FHAD1: variants seen among roughly 807,000 people sequenced by gnomAD.
The protein encoded by FHAD1 is forkhead-associated domain-containing protein 1.
Under a neutral mutation model 191.3 loss-of-function variants are expected in FHAD1, and 146 were observed. The ratio of observed to expected loss-of-function variants is 0.76; its 90% CI spans 0.67 to 0.88. The LOEUF (loss-of-function observed/expected upper bound fraction) is 0.88, where lower values mean the gene tolerates loss of function less well. Ranked by LOEUF, FHAD1 falls within the 40% of genes least tolerant of loss-of-function variation. FHAD1 has a pLI of 0.00. For missense variants in FHAD1, 1,635 were observed against 1,785.8 expected, an observed-to-expected ratio of 0.92 and a Z score of 1.52; for synonymous variants, 616 against 672.3, an observed-to-expected ratio of 0.92 and a Z score of 1.29.
chr1:15,386,849 C>CTTTTTTTTTTTTTTTTTTTT (rs59453670), intron 31 of FHAD1, among the ~76,000 whole-genome samples: 5 of 144,228 alleles, frequency 3.5e-5, no homozygotes, highest in African/African-American at 1.0e-4. Flanking sequence ...TCCTTTCTTT[C>CTTTTTTTTTTTTTTTTTTTT]TTTTTTTTTT....
At chr1:15,347,983 G>A (rs910819358) in intron 18 of FHAD1, among the ~76,000 whole-genome samples, 8 of 152,188 alleles carry the variant, frequency 5.3e-5, no homozygotes, top group African/African-American at 1.7e-4. Flanking sequence ...AAGGCCTGGC[G>A]AGTGTAGACG....
intron 20 of FHAD1, among the ~76,000 whole-genome samples, chr1:15,355,624 G>A (rs1019284876): frequency 1.3e-5 from 2 of 152,094 alleles, no homozygotes; most frequent in African/African-American, 4.8e-5. Flanking sequence ...GAATTATTTG[G>A]GACCCCTGGG....
intron 6 of FHAD1, among the ~76,000 whole-genome samples, chr1:15,305,056 T>C (rs1670030849): frequency 6.6e-6 from 1 of 152,198 alleles, no homozygotes; most frequent in East Asian, 1.9e-4. Context: ...ACAATCACAC[T>C]GGTGTTTAAG....
intron 14 of FHAD1, among the ~76,000 whole-genome samples, chr1:15,331,425 T>C (rs1681362135): frequency 7.1e-6 from 1 of 140,052 alleles, no homozygotes; most frequent in African/African-American, 2.7e-5. Flanking sequence ...GGTGGATGGA[T>C]GGATGGACGG....
At chr1:15,370,993 G>A (rs376405549) in intron 26 of FHAD1, among the ~76,000 whole-genome samples, 3 of 152,314 alleles carry the variant, frequency 2.0e-5, no homozygotes, top group African/African-American at 7.2e-5. Flanking sequence ...CCAGCCAGCT[G>A]TCCTTGGCAT....
In FHAD1 at chr1:15,329,830, A is replaced by G; in HGVS notation, c.1906+289A>G. The stretch of plus-strand genomic sequence containing the variant: ...AATTACGCTGTTTAACCTCCAAGGC[A>G]TTTTCCCATGGAAATAACCGCGTGA... On this transcript the variant is annotated intron_variant, in intron 14 of 33. Transcript: ENST00000688493. This position sits in a 1 kb window ranked among gnomAD's most constrained non-coding sequence, Gnocchi z 5.0. 2.6e-6 allele frequency: 1 copy of G among 380,932 alleles called. No individual in the cohort carries two copies. The highest frequency in any genetic ancestry group is 3.9e-5 in the South Asian group (1 of 25,818). The allele number at this position is 380,932 out of a possible 1,614,324, so 23.6% of individuals were successfully genotyped here.
At chr1:15,344,773 A>G (rs1228060251) in intron 16 of FHAD1, among the ~76,000 whole-genome samples, 1 of 152,222 alleles carries the variant, frequency 6.6e-6, no homozygotes, top group South Asian at 2.1e-4. Flanking sequence ...TTTCGTGTTC[A>G]TCGTCGCATC....
chr1:15,353,737 A>G (rs993472851), intron 20 of FHAD1, among the ~76,000 whole-genome samples: 5 of 150,838 alleles, frequency 3.3e-5, no homozygotes, highest in African/African-American at 4.9e-5. Context: ...GAAAAGAAAA[A>G]AAAAAAAAGA....
At chr1:15,243,478 C>A (rs1645637856), upstream of FHAD1, among the ~76,000 whole-genome samples, 1 of 152,204 alleles carries the variant, frequency 6.6e-6, no homozygotes, top group African/African-American at 2.4e-5. Context: ...CCTCTCCTGG[C>A]CGCGGCTGGG....
At chr1:15,376,068 TA>T (rs1558270850) in intron 28 of FHAD1, among the ~76,000 whole-genome samples, 33 of 99,266 alleles carry the variant, frequency 3.3e-4, no homozygotes, top group African/African-American at 1.4e-3. Context: ...TTTATTTATT[TA>T]TTTATTTATT....
intron 23 of FHAD1, chr1:15,363,867 A>G (rs1695586480): frequency 4.4e-6 from 2 of 449,854 alleles, no homozygotes; most frequent in Non-Finnish European, 8.9e-6. Flanking sequence ...GGAGGGATTC[A>G]GAAGCTCCCC....
In FHAD1 at chr1:15,397,958, C is replaced by T. The variant is rs892669569; in HGVS notation, c.*545C>T. 1 of 152,124 alleles carries T rather than the reference C, an allele frequency of 6.6e-6. No homozygotes were observed. The highest frequency in any genetic ancestry group is 1.5e-5 in the Non-Finnish European group (1 of 68,054). 9.4% of individuals were successfully genotyped at this position (152,124 alleles called of 1,614,324 possible). A position where few individuals can be genotyped will look rare whatever the true frequency, so the allele number is the denominator to read the frequency against. ...CCAGCCTGGCAAACATAGTGAATAC[C>T]TGTCTCTACTAAAAATACAAAAATT... On this transcript the variant is annotated 3_prime_UTR_variant, in exon 34 of 34. Coordinates refer to ENST00000688493, the MANE Select transcript of FHAD1 (RefSeq NM_001391957.1).
intron 3 of FHAD1, among the ~76,000 whole-genome samples, chr1:15,275,600 C>T (rs1228813378): frequency 1.3e-5 from 2 of 152,186 alleles, no homozygotes; most frequent in East Asian, 3.9e-4. Context: ...TGAGTGAGGG[C>T]AGCCATGTGG....
chr1:15,340,105 C>T (rs890734489), intron 15 of FHAD1, among the ~76,000 whole-genome samples: 3 of 152,164 alleles, frequency 2.0e-5, no homozygotes, highest in Admixed American at 1.3e-4. Context: ...GGATTACAGG[C>T]GTGAGCCACT....
chr1:15,352,965 G>A lies in FHAD1; in HGVS notation c.2543G>A (p.Arg848His), dbSNP rs147948459. The change falls in exon 20 of 34, where the codon CGC becomes CAC. Residue 848 changes from arginine (R) to histidine (H), a missense_variant. Physicochemically the swap from Arg to His is conservative, Grantham distance 29 (BLOSUM62 0). Coordinates refer to ENST00000688493, the MANE Select transcript of FHAD1 (RefSeq NM_001391957.1). ...AAAAAGGTGCAAGACCTGGAGAATC[G>A]CTTAACCAAGCAGAAAGAGGTATGA... ...EKKKVQDLEN[R>H]LTKQKEELEL... The A allele has an allele frequency of 7.7e-5, 119 of 1,551,090 alleles. 2 individuals carry two copies. The East Asian group carries it at 2.3e-3, about 30-fold the overall frequency.
At chr1:15,269,612 C>A (rs935989631) in intron 2 of FHAD1, among the ~76,000 whole-genome samples, 3 of 152,126 alleles carry the variant, frequency 2.0e-5, no homozygotes, top group Non-Finnish European at 4.4e-5. Context: ...CCATGTCAGC[C>A]CAAGAAGAAC....
intron 3 of FHAD1, among the ~76,000 whole-genome samples, chr1:15,287,511 A>C (rs774454035): frequency 6.6e-6 from 1 of 152,152 alleles, no homozygotes; most frequent in African/African-American, 2.4e-5. Context: ...GGGAAAGCCC[A>C]TTATAAAACC....
At chr1:15,274,092 G>A (rs1482533354) in intron 3 of FHAD1, among the ~76,000 whole-genome samples, 1 of 152,234 alleles carries the variant, frequency 6.6e-6, no homozygotes, top group East Asian at 1.9e-4. Flanking sequence ...TTTGAAAGCT[G>A]AAGAATGCTC....
intron 3 of FHAD1, among the ~76,000 whole-genome samples, chr1:15,279,949 T>G (rs1659971459): frequency 6.6e-6 from 1 of 152,252 alleles, no homozygotes; most frequent in Non-Finnish European, 1.5e-5. Flanking sequence ...GCCTCCGTAA[T>G]GAGATTCCGT....
Sources: gnomAD v4.1 joint callset for allele counts (sites outside exome capture counted in the v4.1 genomes callset) on GRCh38, gnomAD v4.1.1 for gene constraint, Gnocchi (gnomAD v3.1) non-coding constraint, MANE v1.5 for transcripts, NCBI Gene and HGNC (gene_info 2026-07-23, HGNC 2026-07-21) for gene names.